RAB2A: variants seen among roughly 807,000 people sequenced by gnomAD.
RAB2A encodes RAB2A, member RAS oncogene family.
A neutral mutation model predicts 32.5 loss-of-function variants in RAB2A; 7 were observed. The observed-to-expected ratio is 0.22, with a 90% CI of 0.12 to 0.40. The LOEUF is 0.40. RAB2A is among the 10% of genes least tolerant of loss of function. The probability of loss-of-function intolerance (pLI) is 1.00; values close to 1 mark genes in which losing one functional copy is unlikely to be tolerated. For missense variants in RAB2A, 108 were observed against 260.7 expected (o/e 0.41, Z 4.03); for synonymous variants, 79 against 85.2 (o/e 0.93, Z 0.40).
At chr8:60,603,443 A>C (rs1353179246) in intron 6 of RAB2A, among the ~76,000 whole-genome samples, 1 of 152,230 alleles carries the variant, frequency 6.6e-6, no homozygotes, top group Non-Finnish European at 1.5e-5. Context: ...TGCTGGAAAT[A>C]AGTTTACTAT....
intron 3 of RAB2A, among the ~76,000 whole-genome samples, chr8:60,573,594 A>G (rs1367375672): frequency 7.2e-5 from 11 of 152,130 alleles, no homozygotes; most frequent in Non-Finnish European, 7.4e-5. Context: ...TACTTTTACT[A>G]TTTCTCAAGG....
At chr8:60,572,163 A>G in intron 3 of RAB2A, 50 bp downstream of exon 3, 3 of 1,353,028 alleles carry the variant, frequency 2.2e-6, no homozygotes, top group Non-Finnish European at 3.1e-6. Flanking sequence ...TTACTTTATG[A>G]AAGTACATCG....
chr8:60,543,939 G>GT (rs1275693202), intron 1 of RAB2A, among the ~76,000 whole-genome samples: 2 of 151,576 alleles, frequency 1.3e-5, no homozygotes, highest in Admixed American at 1.3e-4. Flanking sequence ...GCGGGTGCCT[G>GT]TAATCCCAGC....
At chr8:60,607,327 G>A (rs1000346447) in intron 6 of RAB2A, among the ~76,000 whole-genome samples, 2 of 150,672 alleles carry the variant, frequency 1.3e-5, no homozygotes, top group African/African-American at 4.9e-5. Context: ...TACTCAGGAG[G>A]CTGAGGCAGG....
At chr8:60,596,312 C>G (rs924645668) in intron 6 of RAB2A, among the ~76,000 whole-genome samples, 5 of 152,158 alleles carry the variant, frequency 3.3e-5, no homozygotes, top group Non-Finnish European at 7.3e-5. Flanking sequence ...TCTAATTAAA[C>G]TGAAGAACTT....
At chr8:60,544,993 C>T (rs1318022143) in intron 1 of RAB2A, among the ~76,000 whole-genome samples, 3 of 152,102 alleles carry the variant, frequency 2.0e-5, no homozygotes, top group African/African-American at 7.2e-5. Context: ...AGTCCGCCTG[C>T]CACGGCCTCC....
intron 6 of RAB2A, among the ~76,000 whole-genome samples, chr8:60,607,742 A>T (rs1403343070): frequency 6.6e-6 from 1 of 152,180 alleles, no homozygotes; most frequent in Non-Finnish European, 1.5e-5. Context: ...CAGGGGTCAC[A>T]CTCTGAAGAG....
intron 1 of RAB2A, among the ~76,000 whole-genome samples, chr8:60,546,823 A>ATCAG (rs1807734586): frequency 1.3e-5 from 2 of 151,526 alleles, no homozygotes; most frequent in Admixed American, 1.3e-4. Flanking sequence ...TGACAGTTCA[A>ATCAG]TCAGCATCTC....
intron 6 of RAB2A, among the ~76,000 whole-genome samples, chr8:60,606,142 C>T (rs199615478): frequency 6.6e-6 from 1 of 150,928 alleles, no homozygotes; most frequent in East Asian, 1.9e-4. Flanking sequence ...GAGTGAGACT[C>T]CGTCTTAGAA....
chr8:60,616,740 A>T (rs546735614), intron 6 of RAB2A, among the ~76,000 whole-genome samples: 7 of 152,186 alleles, frequency 4.6e-5, no homozygotes, highest in Non-Finnish European at 7.3e-5. Flanking sequence ...TCAGCCACTT[A>T]GAGTTTATGC....
intron 2 of RAB2A, among the ~76,000 whole-genome samples, chr8:60,571,324 A>G (rs1323462058): frequency 6.6e-6 from 1 of 152,226 alleles, no homozygotes; most frequent in Non-Finnish European, 1.5e-5. Context: ...ATCTGTAGCA[A>G]TAAAGTACCA....
chr8:60,607,622 G>A (rs1434282638), intron 6 of RAB2A, among the ~76,000 whole-genome samples: 1 of 152,012 alleles, frequency 6.6e-6, no homozygotes, highest in Non-Finnish European at 1.5e-5. Flanking sequence ...AAATACTAAT[G>A]TACACTTAAG....
intron 6 of RAB2A, among the ~76,000 whole-genome samples, chr8:60,612,790 A>C (rs180907573): frequency 1.3e-5 from 2 of 152,316 alleles, no homozygotes; most frequent in African/African-American, 4.8e-5. Flanking sequence ...GAGAGAAGTA[A>C]CACCACAACA....
At chr8:60,546,891 C>CTTTTTTTTTTTT (rs6150606) in intron 1 of RAB2A, among the ~76,000 whole-genome samples, 2 of 98,950 alleles carry the variant, frequency 2.0e-5, no homozygotes, top group African/African-American at 4.4e-5. Flanking sequence ...TTTTTTGGGT[C>CTTTTTTTTTTTT]TTTTTTTTTT....
upstream of RAB2A, chr8:60,516,963 G>C: frequency 2.5e-6 from 1 of 406,710 alleles, no homozygotes; most frequent in East Asian, 3.9e-5. Context: ...GCGGAGGCGG[G>C]GCGGAGGCGC....
At position 60,538,035 on chromosome 8, in the gene RAB2A, A is replaced by G. The variant is rs16926275; in HGVS notation, c.46+20782A>G. On this transcript the variant is annotated intron_variant, in intron 1 of 7. Coordinates refer to ENST00000262646, the MANE Select transcript of RAB2A (RefSeq NM_002865.3). Reference sequence around the variant, plus strand: ...TTAAACATTCTAGCCGTTTTCCACTATTAAGATAAACTAGTGAGGAAAGTT... The same window carrying G: ...TTAAACATTCTAGCCGTTTTCCACTGTTAAGATAAACTAGTGAGGAAAGTT... Among the ~76,000 whole-genome samples the G allele has an allele frequency of 4.7e-3, 720 of 152,338 alleles. 7 individuals carry two copies. Among genetic ancestry groups the G allele is most frequent in the African/African-American group, 0.016 (649 of 41,578 alleles).
chr8:60,527,735 A>T (rs564797376), intron 1 of RAB2A, among the ~76,000 whole-genome samples: 1 of 150,504 alleles, frequency 6.6e-6, no homozygotes, highest in Non-Finnish European at 1.5e-5. Flanking sequence ...AGTATCCATT[A>T]TTTTTTTTTT....
At chr8:60,537,084 A>G (rs1221559278) in intron 1 of RAB2A, among the ~76,000 whole-genome samples, 2 of 152,224 alleles carry the variant, frequency 1.3e-5, no homozygotes, top group African/African-American at 4.8e-5. Context: ...GACACTACAC[A>G]GTAATTTCTA....
At chr8:60,542,399 C>G (rs996467777) in intron 1 of RAB2A, among the ~76,000 whole-genome samples, 2 of 152,130 alleles carry the variant, frequency 1.3e-5, no homozygotes, top group African/African-American at 4.8e-5. Flanking sequence ...CCTGTAGTCC[C>G]AGCTACTTGG....
Sources: gnomAD v4.1 joint callset for allele counts (sites outside exome capture counted in the v4.1 genomes callset) on GRCh38, gnomAD v4.1.1 for gene constraint, MANE v1.5 for transcripts, NCBI Gene and HGNC (gene_info 2026-07-23, HGNC 2026-07-21) for gene names.